The following DGKB variants were observed in gnomAD, a reference collection of about 807,000 sequenced individuals.
The protein encoded by DGKB is 90 kDa diacylglycerol kinase.
Under a neutral mutation model 114.3 loss-of-function variants are expected in DGKB, and 67 were observed. The observed-to-expected ratio is 0.59, with a 90% CI of 0.48 to 0.72. The LOEUF (loss-of-function observed/expected upper bound fraction) is 0.72, where lower values mean the gene tolerates loss of function less well. DGKB is among the 30% of genes least tolerant of loss of function. The pLI, the probability that DGKB is intolerant of heterozygous loss-of-function variation, is 0.00. For missense variants in DGKB, 907 were observed against 975.2 expected, an observed-to-expected ratio of 0.93 and a Z score of 0.93; for synonymous variants, 398 against 323.1, an observed-to-expected ratio of 1.23 and a Z score of -2.49.
At chr7:14,861,616 C>T (rs991045598) in intron 1 of DGKB, among the ~76,000 whole-genome samples, 20 of 151,886 alleles carry the variant, frequency 1.3e-4, no homozygotes, top group African/African-American at 4.3e-4. Context: ...TAAAGCACTC[C>T]CTTTCACACT....
intron 23 of DGKB, among the ~76,000 whole-genome samples, chr7:14,237,623 C>T (rs1411913911): frequency 1.3e-5 from 2 of 151,686 alleles, no homozygotes; most frequent in African/African-American, 4.8e-5. Flanking sequence ...ATAATTCATG[C>T]TTTTATTTTG....
intron 2 of DGKB, among the ~76,000 whole-genome samples, chr7:14,782,411 GA>G (rs1379469255): frequency 2.0e-5 from 3 of 151,464 alleles, no homozygotes; most frequent in Non-Finnish European, 4.4e-5. Context: ...TTCAACCTTG[GA>G]AAAAAAACTT....
intron 21 of DGKB, among the ~76,000 whole-genome samples, chr7:14,362,670 C>A (rs1815970474): frequency 6.6e-6 from 1 of 151,864 alleles, no homozygotes; most frequent in Admixed American, 6.6e-5. Flanking sequence ...TGCAACAAAA[C>A]ATGGAACAGT....
At chr7:14,453,699 A>G (rs897172727) in intron 21 of DGKB, among the ~76,000 whole-genome samples, 2 of 152,156 alleles carry the variant, frequency 1.3e-5, no homozygotes, top group Non-Finnish European at 2.9e-5. Context: ...CTTTCTTTGT[A>G]AAGGCCCAGA....
chr7:14,947,034 G>A (rs1320340215), intron 1 of DGKB, among the ~76,000 whole-genome samples: 1 of 151,434 alleles, frequency 6.6e-6, no homozygotes, highest in Non-Finnish European at 1.5e-5. Context: ...TTAGCATAGA[G>A]AGTTTGTTTT....
chr7:14,817,221 T>C (rs1031320834), intron 2 of DGKB, among the ~76,000 whole-genome samples: 2 of 152,326 alleles, frequency 1.3e-5, no homozygotes, highest in East Asian at 3.9e-4. Flanking sequence ...TATATCTGAC[T>C]AGATGTTATT....
intron 1 of DGKB, among the ~76,000 whole-genome samples, chr7:14,959,436 A>T (rs1394644442): frequency 1.3e-5 from 2 of 151,524 alleles, no homozygotes; most frequent in Non-Finnish European, 2.9e-5. Flanking sequence ...GAGGGGAGTT[A>T]TATGCCTTTG....
intron 21 of DGKB, among the ~76,000 whole-genome samples, chr7:14,383,197 G>A (rs943820788): frequency 1.2e-4 from 18 of 152,156 alleles, no homozygotes; most frequent in African/African-American, 4.3e-4. Context: ...AACATCTGAG[G>A]AGATCACCGG....
rs376971500 is a variant in DGKB, at chr7:14,555,002, G to C, written c.1770+19210C>G. ...AACCATAATTACCTTTTAGATTCTA[G>C]ATTTCTTGCTGGTCTCTGACAAGTT... On this transcript the variant is annotated intron_variant, in intron 20 of 25. Coordinates refer to ENST00000402815, the MANE Select transcript of DGKB (RefSeq NM_001350709.2). Among the ~76,000 whole-genome samples the C allele has an allele frequency of 2.8e-4, 43 of 152,194 alleles. 1 individual carries two copies. The highest frequency in any genetic ancestry group is 6.8e-3 in the Middle Eastern group (2 of 294).
At chr7:14,856,712 T>G (rs1018930195) in intron 1 of DGKB, among the ~76,000 whole-genome samples, 3 of 152,016 alleles carry the variant, frequency 2.0e-5, no homozygotes, top group Non-Finnish European at 2.9e-5. Flanking sequence ...TAATGAAGAT[T>G]TAGGCTTTAT....
chr7:14,595,463 C>G (rs1290154066), intron 17 of DGKB, among the ~76,000 whole-genome samples: 1 of 151,926 alleles, frequency 6.6e-6, no homozygotes, highest in East Asian at 1.9e-4. Flanking sequence ...TCCTTATGAT[C>G]TCTCTTTGAT....
chr7:14,535,056 G>A (rs1563431560), intron 20 of DGKB, among the ~76,000 whole-genome samples: 3 of 152,058 alleles, frequency 2.0e-5, no homozygotes, highest in South Asian at 4.1e-4. Flanking sequence ...GGAAGTTTAT[G>A]GCAATAAATA....
chr7:14,696,215 C>G (rs1378007563), intron 8 of DGKB, among the ~76,000 whole-genome samples: 1 of 152,022 alleles, frequency 6.6e-6, no homozygotes. Flanking sequence ...GAATGGAGGC[C>G]GGGCGCGGTG....
Position 14,866,635 on chromosome 7 carries a change from A to C in DGKB, c.-187-25185T>G, listed in dbSNP as rs561709775. On this transcript the variant is annotated intron_variant, in intron 1 of 25. Transcript: ENST00000402815. ...CATCATTTATTTATCTAGTCACCCTAGAAGGACATTTTGGTGGCTTTCAAG... is the reference window on the plus strand; with the variant it reads ...CATCATTTATTTATCTAGTCACCCTCGAAGGACATTTTGGTGGCTTTCAAG... Among the ~76,000 whole-genome samples the C allele has an allele frequency of 1.1e-4, 17 of 152,218 alleles. No individual in the cohort carries two copies. The East Asian group carries it at 2.9e-3, about 26-fold the overall frequency.
At chr7:14,946,257 T>G (rs887938401) in intron 1 of DGKB, among the ~76,000 whole-genome samples, 1 of 151,704 alleles carries the variant, frequency 6.6e-6, no homozygotes, top group African/African-American at 2.4e-5. Flanking sequence ...CTGCTTAACA[T>G]TTCCAGTAGA....
intron 20 of DGKB, among the ~76,000 whole-genome samples, chr7:14,485,829 T>C (rs943608035): frequency 4.7e-5 from 7 of 150,128 alleles, no homozygotes; most frequent in African/African-American, 1.7e-4. Context: ...AGGCGGAGGT[T>C]GCAGTGGGCT....
chr7:14,217,268 T>C lies in DGKB; in HGVS notation c.2123-39117A>G, dbSNP rs538536663. ...AAGTAATATTTTTTCAGTAATACTT[T>C]TTATAATTGTGAACAATTGTTCACT... On this transcript the variant is annotated intron_variant, in intron 23 of 25. Coordinates refer to ENST00000402815, the MANE Select transcript of DGKB (RefSeq NM_001350709.2). Among the ~76,000 whole-genome samples the C allele has an allele frequency of 1.4e-4, 22 of 152,302 alleles. 1 individual carries two copies. In the South Asian group the frequency reaches 4.3e-3, roughly 30 times the overall value.
chr7:14,274,794 A>C (rs1562807264), intron 23 of DGKB, among the ~76,000 whole-genome samples: 1 of 151,714 alleles, frequency 6.6e-6, no homozygotes, highest in Non-Finnish European at 1.5e-5. Flanking sequence ...TTTTTCTTAT[A>C]AAGGCACTAA....
chr7:14,718,767 C>A (rs1270211716), intron 5 of DGKB, 82 bp from the exon 6 acceptor site: 2 of 1,010,502 alleles, frequency 2.0e-6, no homozygotes, highest in Non-Finnish European at 2.9e-6. Flanking sequence ...ATAGAGAACA[C>A]ACAGGCTACA....
Sources: gnomAD v4.1 joint callset for allele counts (sites outside exome capture counted in the v4.1 genomes callset) on GRCh38, gnomAD v4.1.1 for gene constraint, MANE v1.5 for transcripts, NCBI Gene and HGNC (gene_info 2026-07-23, HGNC 2026-07-21) for gene names.